Variants in COP1 observed in about 807,000 individuals in gnomAD.
The protein encoded by COP1 is E3 ubiquitin-protein ligase COP1.
COP1 carries 24 observed loss-of-function variants against 101.3 expected under a neutral mutation model. The observed-to-expected ratio is 0.24, with a 90% CI of 0.17 to 0.33. The LOEUF (loss-of-function observed/expected upper bound fraction) is 0.33. COP1 is among the 10% of genes least tolerant of loss of function. COP1 has a pLI of 1.00. For synonymous variants in COP1, 347 were observed against 341.9 expected (o/e 1.01, Z -0.17); for missense variants, 663 against 906.2 (o/e 0.73, Z 3.45).
At chr1:176,134,100 T>C (rs973554400) in intron 8 of COP1, among the ~76,000 whole-genome samples, 12 of 152,002 alleles carry the variant, frequency 7.9e-5, no homozygotes, top group African/African-American at 2.9e-4. Flanking sequence ...GCACCCTTTC[T>C]GTACATGATG....
intron 2 of COP1, among the ~76,000 whole-genome samples, chr1:176,183,466 G>A (rs1698044068): frequency 6.6e-6 from 1 of 152,188 alleles, no homozygotes; most frequent in African/African-American, 2.4e-5. Flanking sequence ...GAGTTGGCAA[G>A]GATGTGGAAA....
intron 3 of COP1, among the ~76,000 whole-genome samples, chr1:176,166,605 A>G (rs1415238739): frequency 6.6e-6 from 1 of 152,160 alleles, no homozygotes; most frequent in Non-Finnish European, 1.5e-5. Flanking sequence ...TTTTTCATGG[A>G]GTTACTTGAA....
At chr1:176,120,903 G>A (rs918753028) in intron 8 of COP1, among the ~76,000 whole-genome samples, 2 of 152,036 alleles carry the variant, frequency 1.3e-5, no homozygotes, top group Non-Finnish European at 2.9e-5. Flanking sequence ...ATTATAAAGA[G>A]AAATTTTTAA....
intron 18 of COP1, among the ~76,000 whole-genome samples, chr1:175,964,373 C>T (rs1365144224): frequency 6.6e-6 from 1 of 152,036 alleles, no homozygotes; most frequent in Non-Finnish European, 1.5e-5. Flanking sequence ...GTTTTCTCCC[C>T]TAAAACAACT....
At chr1:176,155,246 G>A (rs946317574) in intron 5 of COP1, among the ~76,000 whole-genome samples, 4 of 152,148 alleles carry the variant, frequency 2.6e-5, no homozygotes, top group African/African-American at 7.2e-5. Context: ...CTCAAGCAGC[G>A]ATGAAGCCCC....
chr1:176,206,926 G>A lies in COP1; in HGVS notation c.53C>T (p.Ser18Phe). Residue 18 changes from serine (S) to phenylalanine (F), a missense_variant, in exon 1 of 20, where the codon TCC becomes TTC. Around this residue, in one of 4 missense-constraint regions of COP1, gnomAD observed 204 missense variants for 203.6 expected, o/e 1.00. Transcript: ENST00000367669. ...GGAAGTCACCGAGGAGGCCGCCGAG[G>A]ACCCGGGGCTTGTCCCAGCGGAGCC... The part of the protein sequence containing the change: ...GSGSAGTSPG[S>F]SAASSVTSAS... 2 of 1,462,428 alleles carry A rather than the reference G, an allele frequency of 1.4e-6. No homozygotes were observed. The highest frequency in any genetic ancestry group is 1.5e-5 in the African/African-American group (1 of 68,334). The allele number at this position is 1,462,428 out of a possible 1,614,324, so 90.6% of individuals were successfully genotyped here. A position where few individuals can be genotyped will look rare whatever the true frequency, so the allele number is the denominator to read the frequency against.
rs922343890 is a variant in COP1 at position 176,177,970 on chromosome 1, G to A, written c.468-1963C>T. ...CTGAAGTAAATGCCAGGCACATAAC[G>A]GATATGCAAATATCTACTGAAAAAT... On this transcript the variant is annotated intron_variant, in intron 2 of 19. Coordinates refer to ENST00000367669, the MANE Select transcript of COP1 (RefSeq NM_022457.7). Among the ~76,000 whole-genome samples, 3 of 152,144 alleles carry A rather than the reference G, an allele frequency of 2.0e-5. No homozygotes were observed. In the South Asian group the frequency reaches 6.2e-4, roughly 32 times the overall value.
chr1:175,997,244 C>T lies in COP1; in HGVS notation c.1730-7765G>A, dbSNP rs1446568811. ...CCTTCCTTACACCTTATACAAAAAT[C>T]AATTCAAGATGGATTAAAGACTTAA... On this transcript the variant is annotated intron_variant, in intron 15 of 19. Transcript: ENST00000367669. 8.2e-4 allele frequency among the ~76,000 whole-genome samples: 124 copies of T among 151,738 alleles called. 1 individual carries two copies. The Middle Eastern group carries it at 0.01, about 12-fold the overall frequency.
At chr1:176,045,371 C>T (rs943902360) in intron 12 of COP1, among the ~76,000 whole-genome samples, 1 of 151,620 alleles carries the variant, frequency 6.6e-6, no homozygotes, top group African/African-American at 2.4e-5. Flanking sequence ...TATAAATGAA[C>T]TAGAAAAAAG....
chr1:176,198,781 A>T (rs1009807321), intron 1 of COP1, among the ~76,000 whole-genome samples: 4 of 152,196 alleles, frequency 2.6e-5, no homozygotes, highest in Admixed American at 2.6e-4. Flanking sequence ...TGCAATTTTA[A>T]GGGAAAAAAT....
At chr1:176,206,510 C>A in intron 1 of COP1, 62 bp downstream of exon 1, 1 of 1,580,676 alleles carries the variant, frequency 6.3e-7, no homozygotes, top group Non-Finnish European at 8.6e-7. Flanking sequence ...CCCCCCGCCC[C>A]CAAGCCTAAG....
intron 14 of COP1, among the ~76,000 whole-genome samples, chr1:176,042,944 G>A (rs944035069): frequency 1.3e-5 from 2 of 151,752 alleles, no homozygotes; most frequent in East Asian, 1.9e-4. Context: ...CAGGAGAATC[G>A]CTTGAACCCG....
chr1:176,116,510 T>A (rs1405514509), intron 9 of COP1, 114 bp downstream of exon 9: 2 of 774,924 alleles, frequency 2.6e-6, no homozygotes, highest in African/African-American at 1.8e-5. Context: ...TCAACACCAC[T>A]GCATTCAAAA....
intron 18 of COP1, among the ~76,000 whole-genome samples, chr1:175,963,076 GAA>G (rs879746979): frequency 6.9e-6 from 1 of 145,746 alleles, no homozygotes; most frequent in Non-Finnish European, 1.5e-5. Context: ...ACTGAACACA[GAA>G]AAAAAAAACC....
At chr1:176,110,647 A>G (rs1685120454) in intron 9 of COP1, among the ~76,000 whole-genome samples, 1 of 152,180 alleles carries the variant, frequency 6.6e-6, no homozygotes, top group African/African-American at 2.4e-5. Flanking sequence ...TGTTTAAAAC[A>G]AAAAACAAAA....
intron 15 of COP1, among the ~76,000 whole-genome samples, chr1:175,996,024 C>T (rs1400688131): frequency 1.3e-5 from 2 of 152,124 alleles, no homozygotes; most frequent in East Asian, 1.9e-4. Flanking sequence ...ACGAATCCAG[C>T]AGCACATCAA....
At chr1:175,951,758 C>T (rs1649950233) in intron 18 of COP1, among the ~76,000 whole-genome samples, 1 of 151,654 alleles carries the variant, frequency 6.6e-6, no homozygotes, top group Non-Finnish European at 1.5e-5. Context: ...ACAACTGAAG[C>T]AGACAGGAAA....
intron 15 of COP1, among the ~76,000 whole-genome samples, chr1:176,008,040 C>A (rs1271877344): frequency 6.6e-6 from 1 of 152,204 alleles, no homozygotes; most frequent in Non-Finnish European, 1.5e-5. Context: ...GGGATATAAT[C>A]TCGTGGTGCG....
chr1:176,096,608 T>C (rs1682432426), intron 9 of COP1, among the ~76,000 whole-genome samples: 1 of 152,240 alleles, frequency 6.6e-6, no homozygotes, highest in Non-Finnish European at 1.5e-5. Context: ...CTCCCAGGGT[T>C]ACCCTTACAC....
Sources: allele counts gnomAD v4.1 joint callset (sites outside exome capture counted in the v4.1 genomes callset), GRCh38; gene constraint gnomAD v4.1.1; regional missense constraint gnomAD v4.1.1; transcripts MANE v1.5; gene names NCBI Gene and HGNC (gene_info 2026-07-23, HGNC 2026-07-21).